IL4R: variants seen among roughly 807,000 people sequenced by gnomAD.
IL4R encodes the protein interleukin 4 receptor.
Under a neutral mutation model 41.5 loss-of-function variants are expected in IL4R, and 17 were observed. The observed-to-expected ratio is 0.41, with a 90% CI of 0.28 to 0.61. The LOEUF is 0.61. Ranked by LOEUF, IL4R falls within the 20% of genes least tolerant of loss-of-function variation. The pLI, the probability that IL4R is intolerant of heterozygous loss-of-function variation, is 0.31. For synonymous variants in IL4R, 402 were observed against 422.9 expected, an observed-to-expected ratio of 0.95 and a Z score of 0.61; for missense variants, 974 against 1,043.1, an observed-to-expected ratio of 0.93 and a Z score of 0.91.
At chr16:27,341,086 G>A (rs943089643) in intron 3 of IL4R, 5 of 681,520 alleles carry the variant, frequency 7.3e-6, no homozygotes, top group African/African-American at 3.5e-5. Context: ...TCAGGATGCC[G>A]TGTGGAGAAA....
intron 1 of IL4R, among the ~76,000 whole-genome samples, chr16:27,329,196 G>A (rs1044558923): frequency 5.3e-5 from 8 of 152,120 alleles, no homozygotes; most frequent in East Asian, 1.9e-4. Context: ...TGCCTTCCCC[G>A]TGAATAAAAG....
Position 27,341,700 on chromosome 16 carries a change from G to A in IL4R, c.71-421G>A, listed in dbSNP as rs139150442. ...GTGGTATCAGCCTCCTGAGCACAGA[G>A]AGGGCAGAAAGGGGTGGAGACAAAG... is the stretch of plus-strand genomic sequence containing the variant. On this transcript the variant is annotated intron_variant, in intron 3 of 10. Coordinates refer to ENST00000395762, the MANE Select transcript of IL4R (RefSeq NM_000418.4). Among the ~76,000 whole-genome samples, 507 of 152,298 alleles carry A rather than the reference G, an allele frequency of 3.3e-3. 6 individuals carry two copies. The highest frequency in any genetic ancestry group is 7.3e-3 in the Admixed American group (111 of 15,300).
intron 1 of IL4R, among the ~76,000 whole-genome samples, chr16:27,323,197 C>T (rs1201067485): frequency 1.3e-5 from 2 of 152,218 alleles, no homozygotes. Context: ...GCCCAGGGGG[C>T]AAAGTCCTGG....
At chr16:27,318,912 C>T (rs549138985) in intron 1 of IL4R, 4 of 152,188 alleles carry the variant, frequency 2.6e-5, no homozygotes, top group Non-Finnish European at 4.4e-5. Flanking sequence ...TCACATATCT[C>T]GAGTGCCAGC....
intron 1 of IL4R, among the ~76,000 whole-genome samples, chr16:27,328,443 G>C (rs1199625789): frequency 1.3e-5 from 2 of 151,950 alleles, no homozygotes; most frequent in African/African-American, 4.8e-5. Flanking sequence ...TAGAGATGTG[G>C]TTTCACCATG....
Position 27,340,392 on chromosome 16 carries a change from A to G in IL4R, c.70+119A>G, listed in dbSNP as rs866242754. The G allele has an allele frequency of 2.1e-4, 154 of 727,476 alleles. 2 individuals are homozygous for G. Among genetic ancestry groups the G allele is most frequent in the African/African-American group, 1.8e-3 (102 of 56,916 alleles). 45.1% of individuals were successfully genotyped at this position (727,476 alleles called of 1,614,324 possible). On this transcript the variant is annotated intron_variant, in intron 3 of 10. Coordinates refer to ENST00000395762, the MANE Select transcript of IL4R (RefSeq NM_000418.4). ...CAGTGGGAGGGGACAGCCAATGACAAGTGGCCCTGATTATCAGTAAATTCT... is the reference window on the plus strand; with the variant it reads ...CAGTGGGAGGGGACAGCCAATGACAGGTGGCCCTGATTATCAGTAAATTCT...
At chr16:27,340,371 G>A in intron 3 of IL4R, 98 bp downstream of exon 3, 1 of 851,098 alleles carries the variant, frequency 1.2e-6, no homozygotes, top group Non-Finnish European at 2.0e-6. Context: ...ACACTGCAGT[G>A]GGAGGGGACA....
rs2085108282 is a variant in IL4R, at chr16:27,331,378, A to T, written c.-19+1180A>T. 1.3e-5 allele frequency among the ~76,000 whole-genome samples: 2 copies of T among 152,124 alleles called. 1 individual carries two copies. Among genetic ancestry groups the T allele is most frequent in the African/African-American group, 4.8e-5 (2 of 41,434 alleles). ...ACAGCTGTGCAACCTCAGACAAATCACTCAGCCTTTCTGTGCCTTGGTTTC... is the reference window on the plus strand; with the variant it reads ...ACAGCTGTGCAACCTCAGACAAATCTCTCAGCCTTTCTGTGCCTTGGTTTC... On this transcript the variant is annotated intron_variant, in intron 2 of 10. Coordinates refer to ENST00000395762, the MANE Select transcript of IL4R (RefSeq NM_000418.4).
intron 9 of IL4R, chr16:27,359,738 T>G: frequency 2.2e-6 from 1 of 448,770 alleles, no homozygotes; most frequent in Non-Finnish European, 4.5e-6. Context: ...AGGACAGATA[T>G]TGGAATTTAT....
chr16:27,313,820 GGCCGGGACCCGGGCC>G (rs2084539463), upstream of IL4R: 1 of 726,804 alleles, frequency 1.4e-6, no homozygotes, highest in African/African-American at 1.9e-5. Context: ...GGCGCGAGGT[GGCCGGGACCCGGGCC>G]GGGCGCGCCG....
intron 10 of IL4R, 188 bp downstream of exon 10, chr16:27,361,003 G>A (rs1489593445): frequency 1.4e-6 from 2 of 1,470,068 alleles, no homozygotes; most frequent in Non-Finnish European, 1.8e-6. Context: ...AGCCCCCTGA[G>A]TTTCACTGGT....
chr16:27,315,383 C>T (rs2084612976), intron 1 of IL4R: 1 of 152,328 alleles, frequency 6.6e-6, no homozygotes, highest in African/African-American at 2.4e-5. Context: ...TCCTGCGAGG[C>T]CCTGGGTGGT....
At chr16:27,351,301 GGATATT>G (rs2085861787) in intron 6 of IL4R, among the ~76,000 whole-genome samples, 1 of 152,096 alleles carries the variant, frequency 6.6e-6, no homozygotes, top group Non-Finnish European at 1.5e-5. Context: ...CTAGCAAGTA[GGATATT>G]ACAGTCTTCT....
intron 1 of IL4R, among the ~76,000 whole-genome samples, chr16:27,316,487 GC>G (rs1169883262): frequency 2.6e-5 from 4 of 152,188 alleles, no homozygotes; most frequent in Non-Finnish European, 5.9e-5. Flanking sequence ...GGGATTAGAT[GC>G]CCCACCTCTC....
At chr16:27,319,644 C>T (rs1213425194) in intron 1 of IL4R, among the ~76,000 whole-genome samples, 1 of 152,146 alleles carries the variant, frequency 6.6e-6, no homozygotes, top group Non-Finnish European at 1.5e-5. Context: ...TGAATGAGCA[C>T]CTTCCTCAGT....
chr16:27,347,154 G>T (rs2085676883), intron 6 of IL4R, among the ~76,000 whole-genome samples: 1 of 152,122 alleles, frequency 6.6e-6, no homozygotes, highest in Admixed American at 6.5e-5. Context: ...ATGGAAGCTG[G>T]TCCTGACATT....
chr16:27,314,122 G>A, intron 1 of IL4R, 102 bp downstream of exon 1: 2 of 984,204 alleles, frequency 2.0e-6, no homozygotes, highest in Non-Finnish European at 2.4e-6. Context: ...GGGGACCACG[G>A]GGACCACCCC....
At chr16:27,350,885 A>C (rs569582196) in intron 6 of IL4R, among the ~76,000 whole-genome samples, 1 of 152,324 alleles carries the variant, frequency 6.6e-6, no homozygotes, top group African/African-American at 2.4e-5. Flanking sequence ...GGGCATGTGC[A>C]TCCTTTAGAG....
intron 8 of IL4R, among the ~76,000 whole-genome samples, chr16:27,356,711 C>T (rs575512559): frequency 6.6e-6 from 1 of 152,156 alleles, no homozygotes; most frequent in South Asian, 2.1e-4. Flanking sequence ...GAGGAATTTG[C>T]GACGATTGCC....
Sources: gnomAD v4.1 joint callset for allele counts (sites outside exome capture counted in the v4.1 genomes callset) on GRCh38, gnomAD v4.1.1 for gene constraint, MANE v1.5 for transcripts, NCBI Gene and HGNC (gene_info 2026-07-23, HGNC 2026-07-21) for gene names.